Variants in PROM1 observed in about 807,000 individuals in gnomAD.
The protein encoded by PROM1 is prominin-1.
PROM1 carries 105 observed loss-of-function variants against 116.9 expected under a neutral mutation model. The observed-to-expected ratio is 0.90, with a 90% CI of 0.77 to 1.06. The LOEUF (loss-of-function observed/expected upper bound fraction) is 1.06. PROM1 is among the 50% of genes least tolerant of loss of function. The pLI is 0.00. For missense variants in PROM1, 1,122 were observed against 1,045.2 expected (o/e 1.07, Z -1.01); for synonymous variants, 393 against 387.0 (o/e 1.02, Z -0.18).
chr4:15,986,365 A>G (rs956755672), intron 20 of PROM1, among the ~76,000 whole-genome samples: 5 of 151,860 alleles, frequency 3.3e-5, no homozygotes, highest in African/African-American at 1.2e-4. Flanking sequence ...CTTCACGGTC[A>G]CCATGCTGGG....
chr4:16,027,529 C>A (rs1179507527), intron 5 of PROM1, among the ~76,000 whole-genome samples: 1 of 152,124 alleles, frequency 6.6e-6, no homozygotes, highest in Non-Finnish European at 1.5e-5. Context: ...GAGAAAAGCA[C>A]CAGTCCAAGT....
intron 22 of PROM1, chr4:15,985,417 T>G: frequency 4.1e-6 from 1 of 244,252 alleles, no homozygotes. Context: ...TTTGGAACAG[T>G]GAGACCCAGC....
chr4:16,003,071 A>G (rs1724277049), intron 13 of PROM1, among the ~76,000 whole-genome samples: 1 of 152,234 alleles, frequency 6.6e-6, no homozygotes, highest in Non-Finnish European at 1.5e-5. Context: ...CTTGCTGACT[A>G]ACCCCTGATT....
chr4:16,072,186 A>G (rs889734527), intron 2 of PROM1, among the ~76,000 whole-genome samples: 1 of 152,102 alleles, frequency 6.6e-6, no homozygotes, highest in Non-Finnish European at 1.5e-5. Context: ...GCTGAATAAG[A>G]CCTTTCCATT....
In PROM1 at chr4:15,971,147, C is replaced by G. The variant is rs1276065640; in HGVS notation, c.2583-65G>C. ...AAAGCTGTGGGTGGTTTCATCACCTCTGTGCTAAGAAGCAGGCATGTGACT... is the reference window on the plus strand; with the variant it reads ...AAAGCTGTGGGTGGTTTCATCACCTGTGTGCTAAGAAGCAGGCATGTGACT... On this transcript the variant is annotated intron_variant, in intron 26 of 27. Coordinates refer to ENST00000447510, the MANE Select transcript of PROM1 (RefSeq NM_006017.3). The G allele has an allele frequency of 5.8e-6, 8 of 1,383,926 alleles. No homozygotes were observed. The African/African-American group carries it at 1.1e-4, about 20-fold the overall frequency. The allele number at this position is 1,383,926 out of a possible 1,614,324, so 85.7% of individuals were successfully genotyped here.
rs1335556090 is a variant in PROM1 at position 15,968,931 on chromosome 4, G to C, written c.*462C>G. The C allele has an allele frequency of 6.6e-6, 1 of 152,200 alleles. No homozygotes were observed. The highest frequency in any genetic ancestry group is 1.5e-5 in the Non-Finnish European group (1 of 68,032). 9.4% of individuals were successfully genotyped at this position (152,200 alleles called of 1,614,324 possible). On this transcript the variant is annotated 3_prime_UTR_variant, in exon 28 of 28. Coordinates refer to ENST00000447510, the MANE Select transcript of PROM1 (RefSeq NM_006017.3). ...AATACTCATTTGTTTAAAAAACTCT[G>C]TGGTAACAAAAGGTATATACACCGT...
chr4:15,972,915 G>T (rs550486972), intron 26 of PROM1, among the ~76,000 whole-genome samples: 1 of 152,292 alleles, frequency 6.6e-6, no homozygotes, highest in South Asian at 2.1e-4. Flanking sequence ...ACAACAGAGA[G>T]AAGTTGGCCC....
chr4:16,038,807 T>C, intron 3 of PROM1, 139 bp downstream of exon 3: 2 of 850,834 alleles, frequency 2.4e-6, no homozygotes, highest in East Asian at 3.4e-5. Context: ...GGTTCAATAT[T>C]CCATGAAAGT....
In PROM1 at chr4:16,006,587, G is replaced by T. The variant is rs751216717; in HGVS notation, c.1405C>A (p.Pro469Thr). ...GVCGYDRHAT[P>T]TTRGCVSNTG... is the part of the protein sequence containing the mutation. ...TTGGAGACACAGCCTCGGGTGGTCGGGGTGGCATGCCTGTCATAGCCGCAC... is the reference window on the plus strand; with the variant it reads ...TTGGAGACACAGCCTCGGGTGGTCGTGGTGGCATGCCTGTCATAGCCGCAC... Residue 469 changes from proline (P) to threonine (T), a missense_variant, in exon 13 of 28, where the codon CCG becomes ACG. Pro to Thr is a conservative substitution (Grantham distance 38). Transcript: ENST00000447510. The T allele has an allele frequency of 1.4e-5, 22 of 1,605,586 alleles. 1 individual carries two copies. The South Asian group carries it at 1.6e-4, about 11-fold the overall frequency.
chr4:16,006,118 G>GCAATACTGCTGAC (rs1725399297), intron 13 of PROM1, among the ~76,000 whole-genome samples: 1 of 152,212 alleles, frequency 6.6e-6, no homozygotes, highest in Admixed American at 6.5e-5. Flanking sequence ...TTTCAAGCTA[G>GCAATACTGCTGAC]CAATACTGCT....
At chr4:15,994,708 G>A (rs1721880396) in intron 15 of PROM1, among the ~76,000 whole-genome samples, 1 of 152,190 alleles carries the variant, frequency 6.6e-6, no homozygotes, top group Non-Finnish European at 1.5e-5. Context: ...ACTGAGCTAA[G>A]AAGGGTAGGC....
rs143618904 is a variant in PROM1, at chr4:16,074,297, C to T, written c.220+1390G>A. Among the ~76,000 whole-genome samples the T allele has an allele frequency of 3.9e-3, 594 of 152,282 alleles. 2 individuals carry two copies. Among genetic ancestry groups the T allele is most frequent in the African/African-American group, 0.013 (556 of 41,558 alleles). On this transcript the variant is annotated intron_variant, in intron 2 of 27. Coordinates refer to ENST00000447510, the MANE Select transcript of PROM1 (RefSeq NM_006017.3). ...TATATGATGTGATTATTACACATTG[C>T]ATGTCTGTATCAAAATATCTCTTGT...
At chr4:15,986,889 T>C (rs920890557) in intron 20 of PROM1, among the ~76,000 whole-genome samples, 4 of 152,200 alleles carry the variant, frequency 2.6e-5, no homozygotes, top group Non-Finnish European at 5.9e-5. Context: ...GTACAGACTA[T>C]TCCGTTCAAT....
intron 3 of PROM1, among the ~76,000 whole-genome samples, 187 bp from the exon 4 acceptor site, chr4:16,035,948 T>A (rs1411923241): frequency 6.6e-6 from 1 of 152,204 alleles, no homozygotes; most frequent in Admixed American, 6.5e-5. Context: ...AGAAACAGTG[T>A]TTTAAGTTGC....
chr4:16,041,598 A>G (rs1735242988), intron 2 of PROM1, among the ~76,000 whole-genome samples: 1 of 151,748 alleles, frequency 6.6e-6, no homozygotes, highest in Admixed American at 6.6e-5. Context: ...GCAACTGGGT[A>G]ACATAGTGAG....
chr4:16,020,386 AC>A (rs1729538051), intron 8 of PROM1, among the ~76,000 whole-genome samples: 1 of 152,146 alleles, frequency 6.6e-6, no homozygotes, highest in Non-Finnish European at 1.5e-5. Context: ...CATCTCTCCC[AC>A]CTATCATCCA....
intron 23 of PROM1, among the ~76,000 whole-genome samples, chr4:15,980,946 GTTAT>G (rs59408018): frequency 1.9e-4 from 28 of 145,230 alleles, no homozygotes; most frequent in East Asian, 8.2e-4. Context: ...CTTATGAGTT[GTTAT>G]TTATTTATTT....
chr4:15,991,445 CTTAT>C (rs1288556548), intron 17 of PROM1, among the ~76,000 whole-genome samples, 152 bp from the exon 18 acceptor site: 2 of 151,928 alleles, frequency 1.3e-5, no homozygotes, highest in Non-Finnish European at 2.9e-5. Context: ...CATTTGCATT[CTTAT>C]TTATACATAT....
At chr4:16,056,561 A>G (rs958243250) in intron 2 of PROM1, among the ~76,000 whole-genome samples, 7 of 152,192 alleles carry the variant, frequency 4.6e-5, no homozygotes, top group Non-Finnish European at 8.8e-5. Flanking sequence ...GCTATAAAGA[A>G]AAATGAAGCA....
Sources: allele counts gnomAD v4.1 joint callset (sites outside exome capture counted in the v4.1 genomes callset), GRCh38; gene constraint gnomAD v4.1.1; transcripts MANE v1.5; gene names NCBI Gene and HGNC (gene_info 2026-07-23, HGNC 2026-07-21).